Variants in CSMD1 observed in about 807,000 individuals in gnomAD.
The protein encoded by CSMD1 is CUB and sushi domain-containing protein 1.
CSMD1 carries 213 observed loss-of-function variants against 417.5 expected under a neutral mutation model. The ratio of observed to expected loss-of-function variants is 0.51; its 90% CI spans 0.46 to 0.57. The LOEUF is 0.57. CSMD1 is among the 20% of genes least tolerant of loss of function. CSMD1 has a pLI of 0.00. For missense variants in CSMD1, 6,923 were observed against 4,529.7 expected (o/e 1.53, Z -15.17); for synonymous variants, 2,862 against 1,736.8 (o/e 1.65, Z -16.11).
rs1365270 is a variant in CSMD1, at chr8:4,069,152, T to A, written c.416-37053A>T. ...TACAATATTGTTCATAGGAGACTGGTTGCAAATATATACTATGATGGGTAG... is the reference window on the plus strand; with the variant it reads ...TACAATATTGTTCATAGGAGACTGGATGCAAATATATACTATGATGGGTAG... On this transcript the variant is annotated intron_variant, in intron 3 of 69. Coordinates refer to ENST00000635120, the MANE Select transcript of CSMD1 (RefSeq NM_033225.6). Among the ~76,000 whole-genome samples the A allele has an allele frequency of 7.9e-3, 1,206 of 152,124 alleles. 21 individuals are homozygous for A. The highest frequency in any genetic ancestry group is 0.028 in the African/African-American group (1,145 of 41,450).
chr8:3,106,749 T>A (rs1292772966), intron 45 of CSMD1, 108 bp from the exon 46 acceptor site: 2 of 561,452 alleles, frequency 3.6e-6, no homozygotes, highest in Non-Finnish European at 6.4e-6. Flanking sequence ...CTTGCAAATC[T>A]TTTTAGAAAC....
chr8:4,179,965 T>A (rs571533149), intron 3 of CSMD1, among the ~76,000 whole-genome samples: 7 of 152,034 alleles, frequency 4.6e-5, no homozygotes, highest in African/African-American at 1.7e-4. Context: ...TAGGAACACT[T>A]TTACACTGTT....
chr8:4,750,555 G>A (rs1001354356), intron 1 of CSMD1, among the ~76,000 whole-genome samples: 3 of 151,986 alleles, frequency 2.0e-5, no homozygotes, highest in African/African-American at 7.3e-5. Flanking sequence ...ATCAGCATAG[G>A]TCAGATCTTT....
At chr8:3,014,225 AT>A (rs1320023987) in intron 52 of CSMD1, among the ~76,000 whole-genome samples, 1 of 151,652 alleles carries the variant, frequency 6.6e-6, no homozygotes, top group Non-Finnish European at 1.5e-5. Flanking sequence ...AATAGTACTT[AT>A]GAATATCCAT....
chr8:4,759,508 C>T (rs150486868), intron 1 of CSMD1, among the ~76,000 whole-genome samples: 4 of 152,136 alleles, frequency 2.6e-5, no homozygotes, highest in African/African-American at 9.7e-5. Flanking sequence ...CAACCCATCA[C>T]CTAGGTATTA....
chr8:3,493,766 T>C (rs1478437437), intron 10 of CSMD1, 40 bp from the exon 11 acceptor site: 2 of 1,531,972 alleles, frequency 1.3e-6, no homozygotes, highest in East Asian at 2.3e-5. Context: ...GAACAACAGG[T>C]ACTTCCCATG....
intron 3 of CSMD1, among the ~76,000 whole-genome samples, chr8:4,113,988 G>C (rs957321925): frequency 6.6e-6 from 1 of 152,168 alleles, no homozygotes; most frequent in African/African-American, 2.4e-5. Context: ...AGCAGCAAAT[G>C]TCAATGTAGA....
intron 1 of CSMD1, among the ~76,000 whole-genome samples, chr8:4,820,912 A>T (rs1233753429): frequency 6.6e-6 from 1 of 152,196 alleles, no homozygotes; most frequent in Non-Finnish European, 1.5e-5. Flanking sequence ...TAACTTGCAG[A>T]TGTGTATATC....
At chr8:4,287,911 C>G (rs1797150715) in intron 3 of CSMD1, among the ~76,000 whole-genome samples, 1 of 152,022 alleles carries the variant, frequency 6.6e-6, no homozygotes, top group African/African-American at 2.4e-5. Context: ...TAAGCCATCA[C>G]ATATCTATGG....
intron 7 of CSMD1, among the ~76,000 whole-genome samples, chr8:3,695,505 TCA>T (rs770470117): frequency 1.4e-4 from 22 of 152,126 alleles, no homozygotes; most frequent in Non-Finnish European, 2.6e-4. Context: ...TTAGCGTTTA[TCA>T]CAGATACAGA....
intron 5 of CSMD1, among the ~76,000 whole-genome samples, chr8:3,848,345 T>C (rs1803654612): frequency 6.6e-6 from 1 of 151,984 alleles, no homozygotes; most frequent in Admixed American, 6.6e-5. Flanking sequence ...GCAATCTTAT[T>C]AAAGAGAGTA....
At chr8:4,281,624 A>G (rs1585151926) in intron 3 of CSMD1, among the ~76,000 whole-genome samples, 1 of 152,170 alleles carries the variant, frequency 6.6e-6, no homozygotes, top group Non-Finnish European at 1.5e-5. Flanking sequence ...TAAAGCTTTT[A>G]ACTTTTATGT....
rs370757972 is a variant in CSMD1, at chr8:3,396,350, C to T, written c.2437G>A (p.Glu813Lys). ...FQTEVNYDTL[E>K]VRDGPASSSP... is the part of the protein sequence containing the mutation. ...GAACTGGCTGGCCCATCTCTGACCT[C>T]CAAGGTGTCATAATTGACCTCTGTC... Residue 813 changes from glutamate to lysine, a missense_variant, in exon 17 of 70, where the codon GAG becomes AAG. By Grantham distance (56) the Glu-to-Lys change is moderately conservative. Transcript: ENST00000635120. 6.2e-7 allele frequency: 1 copy of T among 1,601,908 alleles called. No homozygotes were observed. The highest frequency in any genetic ancestry group is 2.2e-5 in the East Asian group (1 of 44,574).
In CSMD1 at chr8:3,441,547, C is replaced by T. The variant is rs1439493455; in HGVS notation, c.1561+27165G>A. 2.7e-5 allele frequency among the ~76,000 whole-genome samples: 4 copies of T among 149,594 alleles called. No homozygotes were observed. In the South Asian group the frequency reaches 8.4e-4, roughly 32 times the overall value. ...CACAAAATCCTGTACCACGTAAGGA[C>T]ATTTCAATCAATGATGGATCATGTA... On this transcript the variant is annotated intron_variant, in intron 12 of 69. Transcript: ENST00000635120.
intron 1 of CSMD1, among the ~76,000 whole-genome samples, chr8:4,865,822 A>T (rs988585214): frequency 6.6e-6 from 1 of 151,932 alleles, no homozygotes; most frequent in Non-Finnish European, 1.5e-5. Flanking sequence ...TCCTTTAAAA[A>T]TTAATCTTCT....
intron 3 of CSMD1, among the ~76,000 whole-genome samples, chr8:4,178,480 A>G (rs1459402518): frequency 6.6e-6 from 1 of 151,334 alleles, no homozygotes; most frequent in Admixed American, 6.6e-5. Flanking sequence ...TATCATACTG[A>G]ATGGGCAAAA....
At chr8:4,815,287 T>A (rs1364846338) in intron 1 of CSMD1, among the ~76,000 whole-genome samples, 1 of 152,172 alleles carries the variant, frequency 6.6e-6, no homozygotes, top group African/African-American at 2.4e-5. Flanking sequence ...AATCTGCATT[T>A]GTGTCCTTCC....
intron 8 of CSMD1, among the ~76,000 whole-genome samples, chr8:3,599,648 T>C (rs1801265708): frequency 6.6e-6 from 1 of 152,250 alleles, no homozygotes; most frequent in Non-Finnish European, 1.5e-5. Context: ...TTATTCATCC[T>C]ATGTAACTGC....
rs151003856 is a variant in CSMD1 at position 4,068,213 on chromosome 8, A to G, written c.416-36114T>C. Among the ~76,000 whole-genome samples the G allele has an allele frequency of 3.7e-3, 560 of 152,346 alleles. 6 individuals carry two copies. The highest frequency in any genetic ancestry group is 0.013 in the African/African-American group (520 of 41,576). On this transcript the variant is annotated intron_variant, in intron 3 of 69. Transcript: ENST00000635120. The stretch of plus-strand genomic sequence containing the variant: ...AGAAGGGCAGAAAAATCTTCCGTGC[A>G]GTGTTAAAAGCAGAAGAAAATGAGG...
Sources: allele counts gnomAD v4.1 joint callset (sites outside exome capture counted in the v4.1 genomes callset), GRCh38; gene constraint gnomAD v4.1.1; transcripts MANE v1.5; gene names NCBI Gene and HGNC (gene_info 2026-07-23, HGNC 2026-07-21).